The following MGAT4A variants were observed in gnomAD, a reference collection of about 807,000 sequenced individuals.
MGAT4A encodes the protein alpha-1,3-mannosyl-glycoprotein 4-beta-N-acetylglucosaminyltransferase A.
MGAT4A carries 33 observed loss-of-function variants against 74.1 expected under a neutral mutation model. The observed-to-expected ratio is 0.45, with a 90% confidence interval of 0.34 to 0.60. The LOEUF (loss-of-function observed/expected upper bound fraction) is 0.60, where lower values mean the gene tolerates loss of function less well. MGAT4A is among the 20% of genes least tolerant of loss of function. MGAT4A has a pLI of 0.02. For synonymous variants in MGAT4A, 198 were observed against 210.4 expected, an observed-to-expected ratio of 0.94 and a Z score of 0.51; for missense variants, 479 against 628.3, an observed-to-expected ratio of 0.76 and a Z score of 2.54.
At chr2:98,723,302 T>G (rs938205732) in intron 2 of MGAT4A, among the ~76,000 whole-genome samples, 6 of 152,132 alleles carry the variant, frequency 3.9e-5, no homozygotes. Flanking sequence ...GCCAGCAGCA[T>G]GCGCCAGCAA....
chr2:98,669,664 CAA>C (rs1701886361), intron 4 of MGAT4A, among the ~76,000 whole-genome samples: 1 of 152,158 alleles, frequency 6.6e-6, no homozygotes, highest in South Asian at 2.1e-4. Context: ...GCCAAACCTA[CAA>C]AATTAAGAGT....
chr2:98,632,766 C>CTTGTT (rs911723007), intron 14 of MGAT4A, among the ~76,000 whole-genome samples: 5 of 152,006 alleles, frequency 3.3e-5, no homozygotes, highest in African/African-American at 1.2e-4. Flanking sequence ...TGGTTTTTGT[C>CTTGTT]TTGTTTTGTT....
intron 4 of MGAT4A, among the ~76,000 whole-genome samples, chr2:98,665,047 G>A (rs1161279002): frequency 6.6e-6 from 1 of 151,876 alleles, no homozygotes; most frequent in Admixed American, 6.6e-5. Flanking sequence ...CTAATGCCAG[G>A]GGCTGGGTGT....
chr2:98,620,146 A>G lies in MGAT4A; in HGVS notation c.*5420T>C, dbSNP rs932145230. On this transcript the variant is annotated 3_prime_UTR_variant, in exon 16 of 16. Coordinates refer to ENST00000393487, the MANE Select transcript of MGAT4A (RefSeq NM_012214.3). ...AGTTTATATATAGGTGTTGATACAG[A>G]TATGTATAACAAAATCCTCAGTTTG... is the stretch of plus-strand genomic sequence containing the variant. 6.6e-6 allele frequency: 1 copy of G among 152,234 alleles called. No individual in the cohort carries two copies. The highest frequency in any genetic ancestry group is 6.5e-5 in the Admixed American group (1 of 15,284). 9.4% of individuals were successfully genotyped at this position (152,234 alleles called of 1,614,324 possible). A position where few individuals can be genotyped will look rare whatever the true frequency, so the allele number is the denominator to read the frequency against.
At chr2:98,643,803 C>A in intron 10 of MGAT4A, 120 bp downstream of exon 10, 11 of 1,004,744 alleles carry the variant, frequency 1.1e-5, no homozygotes, top group Non-Finnish European at 1.5e-5. Context: ...TTTTTATCAG[C>A]TCAGGAAAGA....
chr2:98,709,131 C>T (rs1010062747), intron 2 of MGAT4A, among the ~76,000 whole-genome samples: 1 of 152,170 alleles, frequency 6.6e-6, no homozygotes, highest in Non-Finnish European at 1.5e-5. Context: ...TCATGTCAAA[C>T]AGGGATATTA....
intron 2 of MGAT4A, among the ~76,000 whole-genome samples, chr2:98,724,797 A>G (rs1451722140): frequency 6.6e-6 from 1 of 152,150 alleles, no homozygotes; most frequent in East Asian, 1.9e-4. Flanking sequence ...CTACAAAAAA[A>G]AAAAACCCAT....
At chr2:98,629,905 C>T (rs1402248919) in intron 14 of MGAT4A, among the ~76,000 whole-genome samples, 1 of 152,098 alleles carries the variant, frequency 6.6e-6, no homozygotes, top group African/African-American at 2.4e-5. Context: ...TTAAGCCAGG[C>T]ATGGTGGCCT....
chr2:98,643,196 T>C (rs1240584165), intron 10 of MGAT4A, among the ~76,000 whole-genome samples: 1 of 152,214 alleles, frequency 6.6e-6, no homozygotes, highest in East Asian at 1.9e-4. Context: ...AAAAAAATCA[T>C]TGTTTTTTTG....
intron 2 of MGAT4A, among the ~76,000 whole-genome samples, chr2:98,692,833 C>T (rs976221070): frequency 3.9e-5 from 6 of 152,164 alleles, no homozygotes; most frequent in Admixed American, 6.5e-5. Context: ...AACCACCTAA[C>T]GATGCATTTC....
At chr2:98,655,222 T>C (rs1206896036) in intron 8 of MGAT4A, among the ~76,000 whole-genome samples, 1 of 151,934 alleles carries the variant, frequency 6.6e-6, no homozygotes, top group Non-Finnish European at 1.5e-5. Flanking sequence ...GATAAGTGAG[T>C]TGCAGGTCCC....
chr2:98,662,046 T>C (rs559756554), intron 5 of MGAT4A, among the ~76,000 whole-genome samples: 1 of 152,242 alleles, frequency 6.6e-6, no homozygotes, highest in South Asian at 2.1e-4. Flanking sequence ...AGCTAAGGCA[T>C]GAGAACCGCT....
chr2:98,669,954 T>TGACTG (rs1701890519), intron 4 of MGAT4A, among the ~76,000 whole-genome samples: 1 of 152,192 alleles, frequency 6.6e-6, no homozygotes, highest in Non-Finnish European at 1.5e-5. Flanking sequence ...GATCCCTGCA[T>TGACTG]GACTGGTCAA....
At chr2:98,640,701 AC>A (rs1261201114) in intron 10 of MGAT4A, among the ~76,000 whole-genome samples, 3 of 152,208 alleles carry the variant, frequency 2.0e-5, no homozygotes, top group African/African-American at 7.2e-5. Flanking sequence ...TCTTTGAGGC[AC>A]TAATAGATTT....
At chr2:98,713,532 C>T (rs1003554697) in intron 2 of MGAT4A, among the ~76,000 whole-genome samples, 11 of 151,664 alleles carry the variant, frequency 7.3e-5, no homozygotes, top group African/African-American at 2.7e-4. Context: ...GAGGCTGAGA[C>T]AGGTGGATCA....
chr2:98,635,629 T>C (rs1401836268), intron 13 of MGAT4A, among the ~76,000 whole-genome samples: 1 of 152,172 alleles, frequency 6.6e-6, no homozygotes, highest in Non-Finnish European at 1.5e-5. Flanking sequence ...AAATTGTGTA[T>C]TAATTAACAG....
rs150103313 is a variant in MGAT4A, at chr2:98,625,515, T to C, written c.*51A>G. The C allele has an allele frequency of 2.7e-5, 44 of 1,600,462 alleles. No homozygotes were observed. In the African/African-American group the frequency reaches 4.7e-4, roughly 17 times the overall value. ...AATAAAAAAAAGATACATGCTTAAC[T>C]ATCTTTAATTAACAAATTCACAGGA... On this transcript the variant is annotated 3_prime_UTR_variant, in exon 16 of 16. Coordinates refer to ENST00000393487, the MANE Select transcript of MGAT4A (RefSeq NM_012214.3).
rs2104204654 is a variant in MGAT4A, at chr2:98,623,044, GA to G, written c.*2521del. On this transcript the variant is annotated 3_prime_UTR_variant, in exon 16 of 16. Coordinates refer to ENST00000393487, the MANE Select transcript of MGAT4A (RefSeq NM_012214.3). ...AAAATAATACAAAATGATAAAAAGA[GA>G]AAGAGGAGGGCAGGCTGGAATAATT... 1 of 985,626 alleles carries G rather than the reference GA, an allele frequency of 1.0e-6. No individual in the cohort carries two copies. Among genetic ancestry groups the G allele is most frequent in the East Asian group, 1.1e-4 (1 of 8,818 alleles). The allele number at this position is 985,626 out of a possible 1,614,324, so 61.1% of individuals were successfully genotyped here.
rs1463760946 is a variant in MGAT4A at position 98,660,416 on chromosome 2, GCGCACA to G, written c.538-2158_538-2153del. The stretch of plus-strand genomic sequence containing the variant: ...ACCACACACACACACACACACGCAC[GCGCACA>G]CACACACACACACACACACACACAC... On this transcript the variant is annotated intron_variant, in intron 5 of 15. Transcript: ENST00000393487. Among the ~76,000 whole-genome samples, 848 of 84,946 alleles carry G rather than the reference GCGCACA, an allele frequency of 1.0e-2. 3 individuals carry two copies. The highest frequency in any genetic ancestry group is 0.034 in the Middle Eastern group (5 of 148). The allele number at this position is 84,946 out of a possible 152,430, so 55.7% of individuals were successfully genotyped here.
Sources: allele counts gnomAD v4.1 joint callset (sites outside exome capture counted in the v4.1 genomes callset), GRCh38; gene constraint gnomAD v4.1.1; transcripts MANE v1.5; gene names NCBI Gene and HGNC (gene_info 2026-07-23, HGNC 2026-07-21).